Variants in MDGA2 observed in about 807,000 individuals in gnomAD.
MDGA2 encodes the protein MAM domain containing glycosylphosphatidylinositol anchor 2, also known as MAM domain-containing glycosylphosphatidylinositol anchor protein 2.
Under a neutral mutation model 117.8 loss-of-function variants are expected in MDGA2, and 40 were observed. That is an observed-to-expected ratio of 0.34 (90% CI 0.26 to 0.44). The LOEUF is 0.44. Ranked by LOEUF, MDGA2 falls within the 20% of genes least tolerant of loss-of-function variation. The pLI is 1.00. For missense variants in MDGA2, 1,123 were observed against 1,250.6 expected, an observed-to-expected ratio of 0.90 and a Z score of 1.54; for synonymous variants, 452 against 439.0, an observed-to-expected ratio of 1.03 and a Z score of -0.37.
chr14:47,229,721 A>T (rs569804340), intron 2 of MDGA2, among the ~76,000 whole-genome samples: 1 of 151,978 alleles, frequency 6.6e-6, no homozygotes, highest in South Asian at 2.1e-4. Context: ...AAAAAAAATT[A>T]AACTGGGCCT....
intron 1 of MDGA2, among the ~76,000 whole-genome samples, chr14:47,335,755 T>TATATATATATATATATAC (rs1566743939): frequency 1.4e-5 from 2 of 143,954 alleles, no homozygotes; most frequent in Admixed American, 6.8e-5. Flanking sequence ...TATACATACA[T>TATATATATATATATATAC]ACATACAGGA....
chr14:47,170,442 G>T (rs1884074547), intron 3 of MDGA2, among the ~76,000 whole-genome samples: 2 of 152,058 alleles, frequency 1.3e-5, no homozygotes, highest in South Asian at 4.1e-4. Flanking sequence ...ACTTTTACAA[G>T]AATGCTTTGA....
intron 1 of MDGA2, among the ~76,000 whole-genome samples, chr14:47,599,160 A>T (rs901450972): frequency 6.6e-6 from 1 of 152,044 alleles, no homozygotes; most frequent in Non-Finnish European, 1.5e-5. Context: ...AGTATGCCTC[A>T]AAATATCATT....
chr14:47,472,566 G>A (rs559347894), intron 1 of MDGA2, among the ~76,000 whole-genome samples: 5 of 152,256 alleles, frequency 3.3e-5, no homozygotes, highest in African/African-American at 1.2e-4. Flanking sequence ...AGGTAATGTA[G>A]GTTTAGTTAA....
intron 9 of MDGA2, among the ~76,000 whole-genome samples, chr14:46,943,504 C>T (rs898901456): frequency 2.0e-5 from 3 of 151,954 alleles, no homozygotes; most frequent in Admixed American, 1.3e-4. Context: ...ATTCAAAAAA[C>T]TTTTGAAGGA....
intron 1 of MDGA2, among the ~76,000 whole-genome samples, chr14:47,609,954 T>A (rs769860578): frequency 6.6e-6 from 1 of 152,036 alleles, no homozygotes; most frequent in Non-Finnish European, 1.5e-5. Flanking sequence ...TGAACATAGA[T>A]GCTAAAATCC....
At chr14:47,199,726 C>G (rs951712528) in intron 3 of MDGA2, among the ~76,000 whole-genome samples, 9 of 151,978 alleles carry the variant, frequency 5.9e-5, no homozygotes, top group Admixed American at 5.2e-4. Context: ...ACAGGAAAAA[C>G]AAGGACAGTT....
intron 6 of MDGA2, among the ~76,000 whole-genome samples, chr14:47,080,566 T>C (rs1890672330): frequency 6.6e-6 from 1 of 152,208 alleles, no homozygotes; most frequent in South Asian, 2.1e-4. Context: ...TCTTCAAGAA[T>C]CTGTTCTTAC....
intron 10 of MDGA2, among the ~76,000 whole-genome samples, chr14:46,911,851 A>G (rs1231098432): frequency 6.6e-6 from 1 of 152,294 alleles, no homozygotes; most frequent in East Asian, 1.9e-4. Context: ...AAGGAAGATA[A>G]TTATTACCCA....
intron 1 of MDGA2, among the ~76,000 whole-genome samples, chr14:47,429,291 T>TATAC (rs763339116): frequency 4.3e-4 from 65 of 151,822 alleles, no homozygotes; most frequent in Admixed American, 2.2e-3. Flanking sequence ...TATATATATA[T>TATAC]ACACACATAT....
intron 2 of MDGA2, among the ~76,000 whole-genome samples, chr14:47,286,134 A>C (rs1390712885): frequency 6.6e-6 from 1 of 152,076 alleles, no homozygotes; most frequent in Non-Finnish European, 1.5e-5. Context: ...TGTGGAGTAC[A>C]TGTGATGTTT....
At chr14:47,010,369 CAT>C (rs1382483114) in intron 8 of MDGA2, among the ~76,000 whole-genome samples, 1 of 151,700 alleles carries the variant, frequency 6.6e-6, no homozygotes, top group Non-Finnish European at 1.5e-5. Context: ...AAAAAAATAA[CAT>C]AAAATTCTAA....
intron 10 of MDGA2, among the ~76,000 whole-genome samples, chr14:46,889,731 A>G (rs1336505608): frequency 1.3e-5 from 2 of 152,028 alleles, no homozygotes; most frequent in African/African-American, 4.8e-5. Context: ...CCAGAACTAC[A>G]GTAAGGCAAA....
intron 1 of MDGA2, among the ~76,000 whole-genome samples, chr14:47,326,686 T>TAC (rs34047797): frequency 0.71 from 105,510 of 148,268 alleles, 38,829 homozygotes; most frequent in Middle Eastern, 0.83. Flanking sequence ...TAAGATAGTA[T>TAC]ACACACACAC....
At chr14:47,493,388 T>C (rs184634096) in intron 1 of MDGA2, among the ~76,000 whole-genome samples, 1 of 151,774 alleles carries the variant, frequency 6.6e-6, no homozygotes, top group East Asian at 1.9e-4. Flanking sequence ...TGATCTTGGC[T>C]CACTGCAACC....
At chr14:47,140,176 A>G (rs1882657816) in intron 4 of MDGA2, among the ~76,000 whole-genome samples, 1 of 152,018 alleles carries the variant, frequency 6.6e-6, no homozygotes, top group African/African-American at 2.4e-5. Flanking sequence ...GATGAGAAAA[A>G]CTGAAGAGGA....
At chr14:47,531,434 C>A (rs1031523357) in intron 1 of MDGA2, among the ~76,000 whole-genome samples, 6 of 152,070 alleles carry the variant, frequency 3.9e-5, no homozygotes, top group African/African-American at 7.2e-5. Context: ...ATACTAGCAG[C>A]GACTCATATT....
chr14:47,536,839 T>C (rs17758767), intron 1 of MDGA2, among the ~76,000 whole-genome samples: 3,382 of 152,280 alleles, frequency 0.022, 65 homozygotes, highest in Non-Finnish European at 0.036. Context: ...AAATAACCAA[T>C]AGTTTTAATA....
At chr14:46,962,256 T>C (rs1885841133) in intron 8 of MDGA2, among the ~76,000 whole-genome samples, 1 of 152,202 alleles carries the variant, frequency 6.6e-6, no homozygotes, top group Non-Finnish European at 1.5e-5. Context: ...CTTGTAACTA[T>C]AATTTCAAGA....
Sources: allele counts gnomAD v4.1 joint callset (sites outside exome capture counted in the v4.1 genomes callset), GRCh38; gene constraint gnomAD v4.1.1; transcripts MANE v1.5; gene names NCBI Gene and HGNC (gene_info 2026-07-23, HGNC 2026-07-21).